The following DIAPH3 variants were observed in gnomAD, a reference collection of about 807,000 sequenced individuals.
DIAPH3 encodes diaphanous related formin 3, also known as protein diaphanous homolog 3.
In DIAPH3, 117 loss-of-function variants were observed where a neutral mutation model predicts 144.3. The observed-to-expected ratio is 0.81, with a 90% CI of 0.70 to 0.95. DIAPH3 has a LOEUF of 0.95. Among genes scored for constraint, DIAPH3 ranks in the 40% least tolerant of loss-of-function variants. DIAPH3 has a pLI of 0.00. For missense variants in DIAPH3, 1,421 were observed against 1,412.7 expected (o/e 1.01, Z -0.09); for synonymous variants, 519 against 488.9 (o/e 1.06, Z -0.81).
At chr13:59,839,925 C>T (rs973134253) in intron 22 of DIAPH3, among the ~76,000 whole-genome samples, 1 of 152,112 alleles carries the variant, frequency 6.6e-6, no homozygotes, top group Non-Finnish European at 1.5e-5. Context: ...GTATCAGAGG[C>T]TACTTATAAT....
chr13:59,879,585 T>A (rs1033859841), intron 20 of DIAPH3, 117 bp from the exon 21 acceptor site: 16 of 1,429,210 alleles, frequency 1.1e-5, no homozygotes, highest in Non-Finnish European at 1.4e-5. Context: ...AAGAAATATG[T>A]CTCCTAAAAC....
chr13:59,988,130 A>G (rs1329970980), intron 12 of DIAPH3, among the ~76,000 whole-genome samples: 1 of 151,882 alleles, frequency 6.6e-6, no homozygotes, highest in Non-Finnish European at 1.5e-5. Context: ...AACACTAGCA[A>G]AGATGACTAA....
chr13:59,870,015 A>C (rs2044158552), intron 21 of DIAPH3, among the ~76,000 whole-genome samples: 1 of 152,104 alleles, frequency 6.6e-6, no homozygotes, highest in South Asian at 2.1e-4. Flanking sequence ...CATAGATTAT[A>C]CTTTTAGTGT....
chr13:60,068,788 G>A (rs555044655), intron 4 of DIAPH3, among the ~76,000 whole-genome samples: 2 of 152,220 alleles, frequency 1.3e-5, no homozygotes, highest in East Asian at 3.9e-4. Flanking sequence ...ATGGCCTCTG[G>A]TTCCATCCAC....
chr13:60,113,062 T>A (rs978893916), intron 2 of DIAPH3, among the ~76,000 whole-genome samples: 5 of 152,214 alleles, frequency 3.3e-5, no homozygotes, highest in African/African-American at 9.7e-5. Context: ...AGTTTTTTTT[T>A]ATCATTGTTG....
At position 59,777,325 on chromosome 13, in the gene DIAPH3, A is replaced by T. The variant is rs115522993; in HGVS notation, c.3164-2502T>A. On this transcript the variant is annotated intron_variant, in intron 25 of 27. Transcript: ENST00000400324. ...GAATGGGATTATTGCACACTGAGGA[A>T]AAAAGAATCATGCATCCATAGTGAT... is the stretch of plus-strand genomic sequence containing the variant. Among the ~76,000 whole-genome samples, 731 of 152,324 alleles carry T rather than the reference A, an allele frequency of 4.8e-3. 7 individuals carry two copies. The highest frequency in any genetic ancestry group is 0.016 in the African/African-American group (684 of 41,580).
chr13:59,775,277 C>T lies in DIAPH3; in HGVS notation c.3164-454G>A, dbSNP rs143391377. 4.5e-3 allele frequency among the ~76,000 whole-genome samples: 682 copies of T among 152,248 alleles called. 8 individuals carry two copies. Among genetic ancestry groups the T allele is most frequent in the African/African-American group, 0.014 (601 of 41,554 alleles). ...GTTTTTTTTGAGACAGAATCTCGCT[C>T]TGTCGCCCAGGCTGGAGTGCAGTGG... On this transcript the variant is annotated intron_variant, in intron 25 of 27. Coordinates refer to ENST00000400324, the MANE Select transcript of DIAPH3 (RefSeq NM_001042517.2).
At chr13:59,794,077 A>G (rs538502407) in intron 25 of DIAPH3, among the ~76,000 whole-genome samples, 6 of 152,338 alleles carry the variant, frequency 3.9e-5, no homozygotes, top group Admixed American at 1.3e-4. Context: ...ACTTGATTAC[A>G]AAATAGGTTC....
intron 27 of DIAPH3, among the ~76,000 whole-genome samples, chr13:59,722,410 T>C (rs2035390785): frequency 6.6e-6 from 1 of 152,206 alleles, no homozygotes; most frequent in South Asian, 2.1e-4. Flanking sequence ...TGTACTGCAG[T>C]GGCTAGAAGC....
chr13:59,784,172 T>C (rs2038904442), intron 25 of DIAPH3, among the ~76,000 whole-genome samples: 1 of 152,094 alleles, frequency 6.6e-6, no homozygotes, highest in Admixed American at 6.6e-5. Flanking sequence ...AAACTCCGCC[T>C]CCCAGGTTCA....
At chr13:59,946,268 T>C (rs1171054781) in intron 17 of DIAPH3, among the ~76,000 whole-genome samples, 2 of 152,164 alleles carry the variant, frequency 1.3e-5, no homozygotes, top group African/African-American at 4.8e-5. Flanking sequence ...ATATTGTCCT[T>C]TCAGCTAAAA....
chr13:60,148,589 A>G (rs1363235785), intron 1 of DIAPH3, among the ~76,000 whole-genome samples: 3 of 152,220 alleles, frequency 2.0e-5, no homozygotes, highest in Non-Finnish European at 2.9e-5. Context: ...AAAATCAAAG[A>G]GATTACTTGG....
chr13:60,036,961 C>G (rs1486170158), intron 5 of DIAPH3, among the ~76,000 whole-genome samples: 1 of 17,272 alleles, frequency 5.8e-5, no homozygotes, highest in Non-Finnish European at 1.2e-4. Context: ...ATTCAAAAAG[C>G]CAAAGAAAAT....
intron 3 of DIAPH3, 45 bp from the exon 4 acceptor site, chr13:60,093,777 G>T: frequency 7.9e-7 from 1 of 1,271,418 alleles, no homozygotes; most frequent in Non-Finnish European, 1.1e-6. Flanking sequence ...TCTAAGTAGA[G>T]CAGCAATTCT....
intron 25 of DIAPH3, among the ~76,000 whole-genome samples, chr13:59,792,741 C>T (rs2039393528): frequency 6.6e-6 from 1 of 152,158 alleles, no homozygotes; most frequent in African/African-American, 2.4e-5. Context: ...CTCTGTGGTG[C>T]ATCACTTTGA....
intron 27 of DIAPH3, among the ~76,000 whole-genome samples, chr13:59,757,551 C>A (rs996649939): frequency 6.6e-6 from 1 of 151,852 alleles, no homozygotes; most frequent in Non-Finnish European, 1.5e-5. Context: ...CAGGCGCCCG[C>A]CACCACGCCC....
chr13:59,951,178 G>C (rs2049078780), intron 17 of DIAPH3, among the ~76,000 whole-genome samples: 1 of 152,106 alleles, frequency 6.6e-6, no homozygotes, highest in South Asian at 2.1e-4. Context: ...TTGGGACCCA[G>C]TGGGAGGTAA....
intron 25 of DIAPH3, among the ~76,000 whole-genome samples, chr13:59,806,474 T>G (rs1015509115): frequency 2.6e-5 from 4 of 152,038 alleles, no homozygotes; most frequent in African/African-American, 9.6e-5. Flanking sequence ...GGATTTTTAT[T>G]AAACAATATT....
chr13:59,887,768 T>G (rs1291724564), intron 20 of DIAPH3, among the ~76,000 whole-genome samples: 4 of 152,112 alleles, frequency 2.6e-5, no homozygotes, highest in Non-Finnish European at 4.4e-5. Context: ...ATTTTTTTTG[T>G]ACACTTTTTC....
Sources: allele counts gnomAD v4.1 joint callset (sites outside exome capture counted in the v4.1 genomes callset), GRCh38; gene constraint gnomAD v4.1.1; transcripts MANE v1.5; gene names NCBI Gene and HGNC (gene_info 2026-07-23, HGNC 2026-07-21).